Variants in WRN observed in about 807,000 individuals in gnomAD.
The protein encoded by WRN is bifunctional 3'-5' exonuclease/ATP-dependent helicase WRN.
In WRN, 149 loss-of-function variants were observed where a neutral mutation model predicts 180.7. The ratio of observed to expected loss-of-function variants is 0.82; its 90% CI spans 0.72 to 0.94. WRN has a LOEUF of 0.94. Among genes scored for constraint, WRN ranks in the 40% least tolerant of loss-of-function variants. The probability of loss-of-function intolerance (pLI) is 0.00; values close to 1 mark genes in which losing one functional copy is unlikely to be tolerated. For synonymous variants in WRN, 548 were observed against 568.9 expected (o/e 0.96, Z 0.52); for missense variants, 1,661 against 1,700.1 (o/e 0.98, Z 0.40).
intron 18 of WRN, among the ~76,000 whole-genome samples, chr8:31,105,658 C>A (rs557859526): frequency 2.6e-5 from 4 of 152,094 alleles, no homozygotes; most frequent in Admixed American, 2.0e-4. Flanking sequence ...TGGGGTTTCA[C>A]CATATTGGCC....
intron 2 of WRN, among the ~76,000 whole-genome samples, chr8:31,058,884 T>A (rs1812378984): frequency 6.6e-6 from 1 of 152,224 alleles, no homozygotes; most frequent in African/African-American, 2.4e-5. Context: ...GTAATACGAA[T>A]ATAATTACCA....
chr8:31,141,601 G>T lies in WRN; in HGVS notation c.3138+1G>T. On this transcript the variant is annotated splice_donor_variant, in intron 25 of 34. Transcript: ENST00000298139. LOFTEE classifies it high-confidence loss of function. ...GAAGATTTGCGCCCTTACGAAAAAG[G>T]TAAACGGTGTAGGAGTCTGCCTGTT... 6.2e-7 allele frequency: 1 copy of T among 1,614,096 alleles called. No individual in the cohort carries two copies. The highest frequency in any genetic ancestry group is 1.1e-5 in the South Asian group (1 of 91,056).
At chr8:31,056,476 T>C (rs535000936) in intron 1 of WRN, among the ~76,000 whole-genome samples, 28 of 152,340 alleles carry the variant, frequency 1.8e-4, no homozygotes, top group Middle Eastern at 3.4e-3. Context: ...TTTCACTACA[T>C]ATGACGCATG....
At chr8:31,036,008 T>C (rs915453562) in intron 1 of WRN, among the ~76,000 whole-genome samples, 1 of 152,192 alleles carries the variant, frequency 6.6e-6, no homozygotes. Flanking sequence ...ACAGCCTCTC[T>C]TCATTCCCAC....
intron 34 of WRN, chr8:31,171,348 AC>A (rs1022146565): frequency 1.3e-4 from 20 of 152,000 alleles, no homozygotes; most frequent in African/African-American, 4.1e-4. Flanking sequence ...AAAAAAAAAA[AC>A]ATTAAAAAGT....
intron 18 of WRN, among the ~76,000 whole-genome samples, chr8:31,106,891 G>A (rs1801119188): frequency 6.6e-6 from 1 of 152,104 alleles, no homozygotes; most frequent in Non-Finnish European, 1.5e-5. Flanking sequence ...TTATAATGGG[G>A]TGAATGAATG....
intron 24 of WRN, among the ~76,000 whole-genome samples, chr8:31,138,834 C>G (rs1352430979): frequency 6.6e-6 from 1 of 152,066 alleles, no homozygotes; most frequent in African/African-American, 2.4e-5. Context: ...GTTTTAAGTC[C>G]AATGTATAGG....
chr8:31,158,404 CT>C (rs11331524), intron 33 of WRN, among the ~76,000 whole-genome samples: 53,636 of 148,486 alleles, frequency 0.36, 9,992 homozygotes, highest in East Asian at 0.61. Flanking sequence ...AATTATTATC[CT>C]TTTTTTTTTT....
chr8:31,141,703 C>A lies in WRN; in HGVS notation c.3161C>A (p.Ala1054Asp). Residue 1054 changes from alanine (A) to aspartate (D), a missense_variant, in exon 26 of 35, where the codon GCT (alanine) becomes GAT (aspartate). Ala to Asp is a moderately radical substitution (Grantham distance 126, BLOSUM62 -2). Transcript: ENST00000298139. ...TKKGRNWLHK[A>D]NTESQSLILQ... ...TAGGGTAGAAATTGGCTTCATAAAG[C>A]TAATACAGAATCTCAGAGCCTCATC... The A allele has an allele frequency of 6.2e-7, 1 of 1,614,070 alleles. No homozygotes were observed. Among genetic ancestry groups the A allele is most frequent in the Admixed American group, 1.7e-5 (1 of 60,010 alleles).
chr8:31,092,020 A>T, intron 16 of WRN, 122 bp downstream of exon 16: 1 of 860,584 alleles, frequency 1.2e-6, no homozygotes, highest in Non-Finnish European at 1.9e-6. Context: ...ATTTCTAATC[A>T]TGTGGTCAGA....
At chr8:31,168,559 A>T (rs1803988827) in intron 34 of WRN, among the ~76,000 whole-genome samples, 1 of 152,098 alleles carries the variant, frequency 6.6e-6, no homozygotes, top group Admixed American at 6.6e-5. Flanking sequence ...AGCTTGCTAG[A>T]TTCTAAAAGG....
intron 33 of WRN, among the ~76,000 whole-genome samples, chr8:31,159,053 C>T (rs1803503117): frequency 6.6e-6 from 1 of 151,996 alleles, no homozygotes; most frequent in Non-Finnish European, 1.5e-5. Flanking sequence ...AATCCCAGCA[C>T]TTTGGGAGAC....
intron 20 of WRN, chr8:31,119,996 G>A (rs1210712820): frequency 4.2e-6 from 2 of 476,192 alleles, no homozygotes; most frequent in Non-Finnish European, 7.7e-6. Context: ...GTATTCATAG[G>A]AGTTCAGATA....
chr8:31,066,676 C>T (rs1223543485), intron 5 of WRN, among the ~76,000 whole-genome samples: 1 of 151,828 alleles, frequency 6.6e-6, no homozygotes, highest in Non-Finnish European at 1.5e-5. Context: ...GCTATCAATT[C>T]CATCACCTGT....
intron 31 of WRN, among the ~76,000 whole-genome samples, chr8:31,150,898 ATAT>A (rs773686920): frequency 5.3e-5 from 8 of 152,120 alleles, no homozygotes. Flanking sequence ...AGTGGATTTC[ATAT>A]TATTCTCTTC....
intron 9 of WRN, among the ~76,000 whole-genome samples, chr8:31,082,900 GCTTT>G (rs1390401859): frequency 2.6e-5 from 4 of 152,076 alleles, no homozygotes; most frequent in African/African-American, 4.8e-5. Flanking sequence ...TATTAGTATT[GCTTT>G]CTTTATTCGT....
At chr8:31,095,050 A>G (rs1813905778) in intron 16 of WRN, among the ~76,000 whole-genome samples, 1 of 152,190 alleles carries the variant, frequency 6.6e-6, no homozygotes, top group Non-Finnish European at 1.5e-5. Context: ...TGATTGTATC[A>G]TGGGATATTC....
chr8:31,048,100 C>G (rs1811936436), intron 1 of WRN, among the ~76,000 whole-genome samples: 1 of 152,096 alleles, frequency 6.6e-6, no homozygotes, highest in African/African-American at 2.4e-5. Flanking sequence ...TAATATTTGA[C>G]AGTTAGGAAA....
chr8:31,097,934 C>A lies in WRN; in HGVS notation c.1981+1084C>A, dbSNP rs3213198. 2.3e-3 allele frequency among the ~76,000 whole-genome samples: 348 copies of A among 152,086 alleles called. 2 individuals are homozygous for A. Among genetic ancestry groups the A allele is most frequent in the South Asian group, 5.2e-3 (25 of 4,802 alleles). On this transcript the variant is annotated intron_variant, in intron 17 of 34. Transcript: ENST00000298139. Reference sequence around the variant, plus strand: ...TGATCTTTTTGTATAATTATGTATTCAAATAATTCCAGATAGGTTAGGTTT... The same window carrying A: ...TGATCTTTTTGTATAATTATGTATTAAAATAATTCCAGATAGGTTAGGTTT...
Sources: allele counts gnomAD v4.1 joint callset (sites outside exome capture counted in the v4.1 genomes callset), GRCh38; gene constraint gnomAD v4.1.1; transcripts MANE v1.5; gene names NCBI Gene and HGNC (gene_info 2026-07-23, HGNC 2026-07-21).